Variants in GRM5 observed in about 807,000 individuals in gnomAD.
GRM5 encodes the protein metabotropic glutamate receptor 5.
Under a neutral mutation model 83.1 loss-of-function variants are expected in GRM5, and 19 were observed. The ratio of observed to expected loss-of-function variants is 0.23; its 90% CI spans 0.16 to 0.34. The LOEUF (loss-of-function observed/expected upper bound fraction) is 0.34, where lower values mean the gene tolerates loss of function less well. Among genes scored for constraint, GRM5 ranks in the 10% least tolerant of loss-of-function variants. The pLI is 1.00. For synonymous variants in GRM5, 675 were observed against 633.6 expected (o/e 1.07, Z -0.98); for missense variants, 1,160 against 1,588.3 (o/e 0.73, Z 4.58).
chr11:88,593,246 T>C (rs961534641), intron 6 of GRM5, among the ~76,000 whole-genome samples: 7 of 152,192 alleles, frequency 4.6e-5, no homozygotes, highest in African/African-American at 1.7e-4. Context: ...ATGAATGAAA[T>C]CGCTGTTAAA....
At chr11:88,600,839 C>A (rs1049113259) in intron 5 of GRM5, among the ~76,000 whole-genome samples, 1 of 152,168 alleles carries the variant, frequency 6.6e-6, no homozygotes, top group African/African-American at 2.4e-5. Context: ...AATTCCGATG[C>A]TAAGGTGCTT....
chr11:88,755,039 G>T (rs145538353), intron 3 of GRM5, among the ~76,000 whole-genome samples: 1 of 152,116 alleles, frequency 6.6e-6, no homozygotes, highest in East Asian at 1.9e-4. Context: ...GAATTACTGA[G>T]ATTCAAATGA....
At chr11:88,890,351 T>A (rs1293335743) in intron 2 of GRM5, among the ~76,000 whole-genome samples, 2 of 152,244 alleles carry the variant, frequency 1.3e-5, no homozygotes, top group East Asian at 3.9e-4. Flanking sequence ...TAAAAATGCA[T>A]GCTACCTGGC....
intron 2 of GRM5, among the ~76,000 whole-genome samples, chr11:89,011,117 C>T (rs1204393346): frequency 1.3e-5 from 2 of 152,294 alleles, no homozygotes; most frequent in South Asian, 4.1e-4. Flanking sequence ...CCTCAGTAAA[C>T]AAAACCTCAG....
chr11:89,041,405 C>T (rs1219162013), intron 2 of GRM5, among the ~76,000 whole-genome samples: 2 of 152,096 alleles, frequency 1.3e-5, no homozygotes, highest in African/African-American at 4.8e-5. Context: ...GCAATGGTGC[C>T]TAAGAGAGAG....
intron 2 of GRM5, among the ~76,000 whole-genome samples, chr11:88,905,727 C>T (rs1476650994): frequency 1.3e-5 from 2 of 152,110 alleles, no homozygotes; most frequent in African/African-American, 4.8e-5. Context: ...CTTTGAGTCT[C>T]TTTCAGTCTC....
At chr11:88,766,812 G>T (rs529575840) in intron 3 of GRM5, among the ~76,000 whole-genome samples, 1 of 152,040 alleles carries the variant, frequency 6.6e-6, no homozygotes, top group East Asian at 1.9e-4. Context: ...TCTGACAAAG[G>T]TCTAATATCC....
chr11:88,601,139 G>A (rs1937980817), intron 5 of GRM5, among the ~76,000 whole-genome samples: 1 of 152,260 alleles, frequency 6.6e-6, no homozygotes, highest in Middle Eastern at 3.4e-3. Flanking sequence ...TCCTTGCCCT[G>A]TTATTTAATT....
intron 4 of GRM5, among the ~76,000 whole-genome samples, chr11:88,611,652 T>C (rs1938320691): frequency 6.6e-6 from 1 of 152,188 alleles, no homozygotes; most frequent in Non-Finnish European, 1.5e-5. Context: ...GTTTAATCTT[T>C]CAAAAAACCA....
intron 3 of GRM5, among the ~76,000 whole-genome samples, chr11:88,775,953 G>A (rs1942838573): frequency 6.6e-6 from 1 of 152,272 alleles, no homozygotes; most frequent in East Asian, 1.9e-4. Flanking sequence ...ATGTCTATTA[G>A]GTCTGCTTGT....
chr11:88,811,098 T>A (rs1943581400), intron 3 of GRM5, among the ~76,000 whole-genome samples: 1 of 151,450 alleles, frequency 6.6e-6, no homozygotes, highest in African/African-American at 2.5e-5. Flanking sequence ...AAACACCTTT[T>A]TTTGTTTTTT....
Position 89,047,503 on chromosome 11 carries a change from C to G in GRM5, c.370G>C (p.Glu124Gln), listed in dbSNP as rs1941666984. The part of the protein sequence containing the change: ...RDSLISSEEE[E>Q]GLVRCVDGSS... ...CCATCCACACAGCGTACCAAGCCTT[C>G]TTCCTCTTCTGAAGAAATGAGGGAA... is the stretch of plus-strand genomic sequence containing the variant. The change falls in exon 2 of 10, where the codon GAA becomes CAA. Residue 124 changes from glutamate to glutamine, a missense_variant. By Grantham distance (29) the Glu-to-Gln change is conservative. Transcript: ENST00000305447. This position sits in a 1 kb window ranked among gnomAD's most constrained non-coding sequence, Gnocchi z 5.1. 6.2e-6 allele frequency: 10 copies of G among 1,614,230 alleles called. No individual in the cohort carries two copies. The East Asian group carries it at 2.2e-4, about 36-fold the overall frequency.
chr11:88,899,274 C>A (rs919619398), intron 2 of GRM5, among the ~76,000 whole-genome samples: 5 of 151,852 alleles, frequency 3.3e-5, no homozygotes, highest in Admixed American at 1.3e-4. Flanking sequence ...GAAGTCTCAT[C>A]AGTAAATAAG....
Position 89,060,064 on chromosome 11 carries a change from T to C in GRM5, c.-201+5712A>G, listed in dbSNP as rs183444809. 3.9e-5 allele frequency among the ~76,000 whole-genome samples: 6 copies of C among 152,208 alleles called. No individual in the cohort carries two copies. In the East Asian group the frequency reaches 1.2e-3, roughly 29 times the overall value. The stretch of plus-strand genomic sequence containing the variant: ...CCAGGCAATTTGAAGCCAGAGCCTG[T>C]ACTTCCAACATACTACAACTCACTG... On this transcript the variant is annotated intron_variant, in intron 1 of 9. Coordinates refer to ENST00000305447, the MANE Select transcript of GRM5 (RefSeq NM_001143831.3).
At chr11:88,806,153 C>T (rs556988247) in intron 3 of GRM5, among the ~76,000 whole-genome samples, 1 of 152,302 alleles carries the variant, frequency 6.6e-6, no homozygotes, top group Non-Finnish European at 1.5e-5. Context: ...ACTAGAAGTG[C>T]TCACCAAAAT....
At chr11:88,603,039 C>A (rs1938042872) in intron 5 of GRM5, among the ~76,000 whole-genome samples, 1 of 152,118 alleles carries the variant, frequency 6.6e-6, no homozygotes, top group Non-Finnish European at 1.5e-5. Flanking sequence ...AGGATAGACT[C>A]AAAGCAATCC....
intron 3 of GRM5, among the ~76,000 whole-genome samples, chr11:88,657,531 T>C (rs1233922423): frequency 6.6e-6 from 1 of 152,166 alleles, no homozygotes; most frequent in East Asian, 1.9e-4. Flanking sequence ...AAGGACATGC[T>C]AATCTACAGA....
At chr11:89,012,046 A>G (rs1940716262) in intron 2 of GRM5, among the ~76,000 whole-genome samples, 2 of 152,178 alleles carry the variant, frequency 1.3e-5, no homozygotes, top group South Asian at 2.1e-4. Context: ...TAATGGATAC[A>G]TTTTTTATAA....
intron 1 of GRM5, among the ~76,000 whole-genome samples, chr11:89,060,708 T>C (rs1941974255): frequency 6.6e-6 from 1 of 152,140 alleles, no homozygotes; most frequent in African/African-American, 2.4e-5. Context: ...TCATCTCCTA[T>C]GAATTTAAAG....
Sources: gnomAD v4.1 joint callset for allele counts (sites outside exome capture counted in the v4.1 genomes callset) on GRCh38, gnomAD v4.1.1 for gene constraint, Gnocchi (gnomAD v3.1) non-coding constraint, MANE v1.5 for transcripts, NCBI Gene and HGNC (gene_info 2026-07-23, HGNC 2026-07-21) for gene names.